Variants in TBC1D1 observed in about 807,000 individuals in gnomAD.
TBC1D1 encodes the protein TBC1 domain family member 1, also known as TBC1 (tre-2/USP6, BUB2, cdc16) domain family, member 1.
Under a neutral mutation model 125.6 loss-of-function variants are expected in TBC1D1, and 89 were observed. The observed-to-expected ratio is 0.71, with a 90% confidence interval of 0.60 to 0.85. The LOEUF is 0.85. Among genes scored for constraint, TBC1D1 ranks in the 40% least tolerant of loss-of-function variants. The pLI is 0.00. For missense variants in TBC1D1, 1,377 were observed against 1,469.2 expected (o/e 0.94, Z 1.03); for synonymous variants, 565 against 564.1 (o/e 1.00, Z -0.02).
chr4:37,914,810 T>C (rs1459985203), intron 2 of TBC1D1, among the ~76,000 whole-genome samples: 1 of 152,242 alleles, frequency 6.6e-6, no homozygotes, highest in Non-Finnish European at 1.5e-5. Context: ...CTGGGATCTT[T>C]GCATCCGCTG....
chr4:38,094,980 A>G (rs190241276), intron 13 of TBC1D1, among the ~76,000 whole-genome samples: 15 of 152,306 alleles, frequency 9.8e-5, no homozygotes, highest in African/African-American at 3.4e-4. Flanking sequence ...TTAAAAATCA[A>G]ATATTCATTG....
chr4:38,016,889 C>T (rs1742848033), intron 3 of TBC1D1, among the ~76,000 whole-genome samples: 1 of 152,142 alleles, frequency 6.6e-6, no homozygotes. Context: ...ATATCTTTGG[C>T]TACAGAGCCA....
At chr4:38,003,795 G>C (rs71604102) in intron 2 of TBC1D1, among the ~76,000 whole-genome samples, 1 of 151,392 alleles carries the variant, frequency 6.6e-6, no homozygotes, top group South Asian at 2.1e-4. Context: ...TCAAGCCTGA[G>C]AGGTTGAGGC....
At chr4:37,915,054 C>T (rs991960051) in intron 2 of TBC1D1, among the ~76,000 whole-genome samples, 28 of 152,356 alleles carry the variant, frequency 1.8e-4, no homozygotes, top group African/African-American at 6.5e-4. Flanking sequence ...TACTTACCTG[C>T]CTGAGCTCTA....
chr4:38,043,494 G>A (rs1031184330), intron 8 of TBC1D1, among the ~76,000 whole-genome samples: 2 of 151,224 alleles, frequency 1.3e-5, no homozygotes, highest in African/African-American at 4.9e-5. Context: ...GAGGGAGAAG[G>A]ATTGCTTGAA....
chr4:37,932,785 C>T (rs995997030), intron 2 of TBC1D1, among the ~76,000 whole-genome samples: 9 of 152,154 alleles, frequency 5.9e-5, no homozygotes, highest in African/African-American at 1.9e-4. Flanking sequence ...TGGCTGGGCG[C>T]GGTGCCTCAC....
chr4:38,094,399 T>A (rs1758966360), intron 13 of TBC1D1, among the ~76,000 whole-genome samples: 1 of 152,142 alleles, frequency 6.6e-6, no homozygotes. Context: ...TCTTCCCCTA[T>A]CTCTACAAGC....
At chr4:38,093,201 T>C (rs1472890133) in intron 13 of TBC1D1, among the ~76,000 whole-genome samples, 1 of 147,750 alleles carries the variant, frequency 6.8e-6, no homozygotes, top group Non-Finnish European at 1.5e-5. Context: ...CTCTTGAAAT[T>C]GATCAGGGGT....
chr4:37,924,609 A>G (rs1560484002), intron 2 of TBC1D1, among the ~76,000 whole-genome samples: 1 of 152,186 alleles, frequency 6.6e-6, no homozygotes, highest in African/African-American at 2.4e-5. Context: ...GGCACCTTAT[A>G]TATGGGGAAT....
rs553845073 is a variant in TBC1D1, at chr4:37,892,104, G to T, written c.-94+756G>T. Among the ~76,000 whole-genome samples, 14 of 152,188 alleles carry T rather than the reference G, an allele frequency of 9.2e-5. 1 individual carries two copies. The South Asian group carries it at 2.9e-3, about 32-fold the overall frequency. ...CAGGGTGCCTCATATTAATGGATATGTTTTCCCTTCATAGATTTCTCATTG... is the reference window on the plus strand; with the variant it reads ...CAGGGTGCCTCATATTAATGGATATTTTTTCCCTTCATAGATTTCTCATTG... On this transcript the variant is annotated intron_variant, in intron 1 of 19. Transcript: ENST00000261439.
chr4:37,907,750 A>G (rs1233439033), intron 2 of TBC1D1, among the ~76,000 whole-genome samples: 1 of 152,212 alleles, frequency 6.6e-6, no homozygotes, highest in Non-Finnish European at 1.5e-5. Context: ...AAAGAAATCA[A>G]GAGTCTGCCC....
intron 11 of TBC1D1, 31 bp from the exon 12 acceptor site, chr4:38,051,868 C>T: frequency 6.5e-7 from 1 of 1,528,350 alleles, no homozygotes; most frequent in South Asian, 1.2e-5. Context: ...CTCCTGCTAA[C>T]CCCCCCGTGC....
intron 12 of TBC1D1, among the ~76,000 whole-genome samples, chr4:38,087,845 C>T (rs1476544291): frequency 1.5e-5 from 1 of 67,880 alleles, no homozygotes; most frequent in Non-Finnish European, 2.9e-5. Context: ...GATTCCGTCT[C>T]AAAAAAAAAA....
At chr4:38,026,155 G>A (rs564851764) in intron 6 of TBC1D1, among the ~76,000 whole-genome samples, 3 of 152,226 alleles carry the variant, frequency 2.0e-5, no homozygotes, top group African/African-American at 7.2e-5. Flanking sequence ...TAAGTGAAGT[G>A]GCATAGTAGC....
intron 12 of TBC1D1, among the ~76,000 whole-genome samples, chr4:38,061,953 G>A (rs1489867466): frequency 1.3e-5 from 2 of 152,160 alleles, no homozygotes; most frequent in Non-Finnish European, 2.9e-5. Flanking sequence ...GGAATAAACT[G>A]CAGGTGAAAC....
rs531796790 is a variant in TBC1D1, at chr4:37,917,204, T to C, written c.417+14692T>C. On this transcript the variant is annotated intron_variant, in intron 2 of 19. Coordinates refer to ENST00000261439, the MANE Select transcript of TBC1D1 (RefSeq NM_015173.4). ...AAGAAGTTGTGTGGGCCAGGCATGGTGGCTCAAGCCTGTAATCCCGGCATT... is the reference window on the plus strand; with the variant it reads ...AAGAAGTTGTGTGGGCCAGGCATGGCGGCTCAAGCCTGTAATCCCGGCATT... 1.1e-3 allele frequency among the ~76,000 whole-genome samples: 171 copies of C among 151,736 alleles called. 1 individual carries two copies. The highest frequency in any genetic ancestry group is 3.8e-3 in the African/African-American group (159 of 41,448).
chr4:38,130,040 G>T (rs1223941776), intron 18 of TBC1D1, among the ~76,000 whole-genome samples: 1 of 152,188 alleles, frequency 6.6e-6, no homozygotes. Flanking sequence ...TCCAAAATAT[G>T]AGGGAAGCCA....
chr4:38,085,588 C>T (rs1757350467), intron 12 of TBC1D1, among the ~76,000 whole-genome samples: 1 of 152,178 alleles, frequency 6.6e-6, no homozygotes, highest in Admixed American at 6.6e-5. Flanking sequence ...AGCAGCCCCT[C>T]CTTCGGCTCA....
chr4:38,075,920 C>T (rs1390536263), intron 12 of TBC1D1, among the ~76,000 whole-genome samples: 1 of 152,124 alleles, frequency 6.6e-6, no homozygotes, highest in Non-Finnish European at 1.5e-5. Flanking sequence ...CCCTTGGTCA[C>T]ATGTTTCATT....
Sources: gnomAD v4.1 joint callset for allele counts (sites outside exome capture counted in the v4.1 genomes callset) on GRCh38, gnomAD v4.1.1 for gene constraint, MANE v1.5 for transcripts, NCBI Gene and HGNC (gene_info 2026-07-23, HGNC 2026-07-21) for gene names.